Variants in ZC2HC1B observed in about 807,000 individuals in gnomAD.
ZC2HC1B encodes zinc finger C2HC-type containing 1B, also known as zinc finger C2HC domain-containing protein 1B.
In ZC2HC1B, 36 loss-of-function variants were observed where a neutral mutation model predicts 31.0. The ratio of observed to expected loss-of-function variants is 1.16; its 90% confidence interval spans 0.89 to 1.54. The LOEUF is 1.54. Ranked by LOEUF, ZC2HC1B falls within the 40% of genes most tolerant of loss-of-function variation. The probability of loss-of-function intolerance (pLI) is 0.00; values close to 1 mark genes in which losing one functional copy is unlikely to be tolerated. For synonymous variants in ZC2HC1B, 73 were observed against 88.0 expected, an observed-to-expected ratio of 0.83 and a Z score of 0.95; for missense variants, 260 against 268.6, an observed-to-expected ratio of 0.97 and a Z score of 0.22.
intron 4 of ZC2HC1B, among the ~76,000 whole-genome samples, chr6:143,894,407 T>C (rs1274509096): frequency 6.6e-6 from 1 of 152,188 alleles, no homozygotes; most frequent in Non-Finnish European, 1.5e-5. Flanking sequence ...GTGGTTAAAA[T>C]GGATACATTC....
At chr6:143,879,987 G>T (rs1004615209) in intron 1 of ZC2HC1B, among the ~76,000 whole-genome samples, 1 of 151,804 alleles carries the variant, frequency 6.6e-6, no homozygotes, top group Non-Finnish European at 1.5e-5. Context: ...ACCATGCCTG[G>T]CTAATTTTTA....
rs1021149672 is a variant in ZC2HC1B at position 143,911,266 on chromosome 6, A to G, written c.598+8114A>G. Reference sequence around the variant, plus strand: ...TCTATATCTTTTAATTGGGGCATTTAGCCCATTTAAATTTAAGGTTAGTAT... The same window carrying G: ...TCTATATCTTTTAATTGGGGCATTTGGCCCATTTAAATTTAAGGTTAGTAT... On this transcript the variant is annotated intron_variant, in intron 6 of 7. Coordinates refer to ENST00000237275, the MANE Select transcript of ZC2HC1B (RefSeq NM_001013623.3). The surrounding 1 kb of genome is among the most constrained non-coding windows in gnomAD (Gnocchi z 4.5). Among the ~76,000 whole-genome samples, 3 of 152,174 alleles carry G rather than the reference A, an allele frequency of 2.0e-5. No individual in the cohort carries two copies. The highest frequency in any genetic ancestry group is 4.4e-5 in the Non-Finnish European group (3 of 68,040).
chr6:143,922,570 A>G lies in ZC2HC1B; in HGVS notation c.599-15079A>G, dbSNP rs1777995160. 6.6e-6 allele frequency among the ~76,000 whole-genome samples: 1 copy of G among 152,230 alleles called. No homozygotes were observed. The highest frequency in any genetic ancestry group is 1.5e-5 in the Non-Finnish European group (1 of 68,044). On this transcript the variant is annotated intron_variant, in intron 6 of 7. Transcript: ENST00000237275. This position sits in a 1 kb window ranked among gnomAD's most constrained non-coding sequence, Gnocchi z 5.0. Reference sequence around the variant, plus strand: ...TTAGCTCCCACATATGAATGAGAACATGTGATATTTGTCTTTCTGTGTCTG... The same window carrying G: ...TTAGCTCCCACATATGAATGAGAACGTGTGATATTTGTCTTTCTGTGTCTG...
chr6:143,893,733 C>G (rs1266881048), intron 4 of ZC2HC1B, among the ~76,000 whole-genome samples: 1 of 152,028 alleles, frequency 6.6e-6, no homozygotes, highest in Non-Finnish European at 1.5e-5. Flanking sequence ...GTCACCCAGG[C>G]TGGAGTGCAG....
chr6:143,900,431 A>G (rs966249912), intron 5 of ZC2HC1B, among the ~76,000 whole-genome samples: 4 of 152,010 alleles, frequency 2.6e-5, no homozygotes, highest in Non-Finnish European at 5.9e-5. Flanking sequence ...AAAGAGGTAC[A>G]GGGACAGGCA....
intron 6 of ZC2HC1B, among the ~76,000 whole-genome samples, chr6:143,926,721 A>C (rs1202486379): frequency 2.0e-5 from 3 of 152,000 alleles, no homozygotes; most frequent in Admixed American, 6.6e-5. Context: ...TGAAGTCTTC[A>C]ACTATTATTG....
In ZC2HC1B at chr6:143,933,282, G is replaced by T. The variant is rs998642985; in HGVS notation, c.599-4367G>T. On this transcript the variant is annotated intron_variant, in intron 6 of 7. Transcript: ENST00000237275. This position sits in a 1 kb window ranked among gnomAD's most constrained non-coding sequence, Gnocchi z 6.4. ...TGAGTTGGTTAACCTTGAGCCAGGA[G>T]GTGGTGCTTTTGAGAGTGCGCCAGC... 2.6e-5 allele frequency among the ~76,000 whole-genome samples: 4 copies of T among 152,182 alleles called. No homozygotes were observed. The highest frequency in any genetic ancestry group is 9.7e-5 in the African/African-American group (4 of 41,432).
In ZC2HC1B at chr6:143,887,353, C is replaced by T. The variant is rs1054475273; in HGVS notation, c.349+532C>T. Among the ~76,000 whole-genome samples the T allele has an allele frequency of 1.3e-5, 2 of 152,100 alleles. No individual in the cohort carries two copies. The highest frequency in any genetic ancestry group is 3.8e-4 in the East Asian group (2 of 5,202). Reference sequence around the variant, plus strand: ...GTTGACGCTGTTGCCATAATTTCTCCTTTATCTTTTTTTCTTTGGCAGAAC... The same window carrying T: ...GTTGACGCTGTTGCCATAATTTCTCTTTTATCTTTTTTTCTTTGGCAGAAC... On this transcript the variant is annotated intron_variant, in intron 4 of 7. Transcript: ENST00000237275. This position sits in a 1 kb window ranked among gnomAD's most constrained non-coding sequence, Gnocchi z 5.1.
chr6:143,898,454 T>C, intron 4 of ZC2HC1B, 98 bp from the exon 5 acceptor site: 1 of 1,406,918 alleles, frequency 7.1e-7, no homozygotes, highest in Non-Finnish European at 9.6e-7. Flanking sequence ...AGCCATCATA[T>C]CCTTATTTCA....
At chr6:143,881,441 C>G (rs898530010) in intron 1 of ZC2HC1B, among the ~76,000 whole-genome samples, 1 of 149,086 alleles carries the variant, frequency 6.7e-6, no homozygotes, top group Non-Finnish European at 1.5e-5. Context: ...GTCCTAGCTA[C>G]TCAAGAAGCT....
In ZC2HC1B at chr6:143,903,341, C is replaced by T. The variant is rs546312530; in HGVS notation, c.598+189C>T. Among the ~76,000 whole-genome samples, 2 of 152,326 alleles carry T rather than the reference C, an allele frequency of 1.3e-5. No individual in the cohort carries two copies. Among genetic ancestry groups the T allele is most frequent in the Non-Finnish European group, 2.9e-5 (2 of 68,032 alleles). On this transcript the variant is annotated intron_variant, in intron 6 of 7. Transcript: ENST00000237275. The surrounding 1 kb of genome is among the most constrained non-coding windows in gnomAD (Gnocchi z 4.3). ...AATATTTCTTAATTTATCAGGATTA[C>T]ACAACTTTCACAATGTACAAGTCAA... is the stretch of plus-strand genomic sequence containing the variant.
At chr6:143,919,527 T>C (rs1777963585) in intron 6 of ZC2HC1B, among the ~76,000 whole-genome samples, 1 of 152,132 alleles carries the variant, frequency 6.6e-6, no homozygotes, top group African/African-American at 2.4e-5. Context: ...CTTACAACAA[T>C]GATGGGAGGT....
rs1048535006 is a variant in ZC2HC1B at position 143,883,278 on chromosome 6, A to G, written c.29-1026A>G. ...GGTCTCGAATCCTTAGGCTCAAGCA[A>G]TCCTCCTGCTTCAGCCTCCCATAGT... On this transcript the variant is annotated intron_variant, in intron 1 of 7. Coordinates refer to ENST00000237275, the MANE Select transcript of ZC2HC1B (RefSeq NM_001013623.3). This position sits in a 1 kb window ranked among gnomAD's most constrained non-coding sequence, Gnocchi z 4.1. 6.6e-6 allele frequency among the ~76,000 whole-genome samples: 1 copy of G among 152,138 alleles called. No homozygotes were observed. The highest frequency in any genetic ancestry group is 1.5e-5 in the Non-Finnish European group (1 of 68,024).
chr6:143,880,801 A>C (rs1214573509), intron 1 of ZC2HC1B, among the ~76,000 whole-genome samples: 1 of 152,088 alleles, frequency 6.6e-6, no homozygotes, highest in African/African-American at 2.4e-5. Context: ...TGACCCCTAG[A>C]TATTGTTTTT....
chr6:143,894,801 T>C (rs1419176915), intron 4 of ZC2HC1B, among the ~76,000 whole-genome samples: 1 of 152,234 alleles, frequency 6.6e-6, no homozygotes, highest in Non-Finnish European at 1.5e-5. Context: ...TATGGTTCTT[T>C]AATTGAATAA....
intron 6 of ZC2HC1B, among the ~76,000 whole-genome samples, chr6:143,926,960 G>GCCACCGCGCCCA (rs1554241408): frequency 7.7e-5 from 10 of 130,408 alleles, no homozygotes; most frequent in Admixed American, 4.0e-4. Context: ...ACAGGCGCCC[G>GCCACCGCGCCCA]GCTAATTTTT....
rs1174131578 is a variant in ZC2HC1B, at chr6:143,921,761, C to T, written c.599-15888C>T. 1.3e-5 allele frequency among the ~76,000 whole-genome samples: 2 copies of T among 152,144 alleles called. No individual in the cohort carries two copies. The highest frequency in any genetic ancestry group is 2.9e-5 in the Non-Finnish European group (2 of 68,030). ...CCTGGGCAACATAGCAAGACCCTGT[C>T]TCTACAAGAAAAATTTAAAAATTTG... On this transcript the variant is annotated intron_variant, in intron 6 of 7. Coordinates refer to ENST00000237275, the MANE Select transcript of ZC2HC1B (RefSeq NM_001013623.3). This position sits in a 1 kb window ranked among gnomAD's most constrained non-coding sequence, Gnocchi z 6.1.
At position 143,924,126 on chromosome 6, in the gene ZC2HC1B, C is replaced by G. The variant is rs935881968; in HGVS notation, c.599-13523C>G. 4.6e-5 allele frequency among the ~76,000 whole-genome samples: 7 copies of G among 151,978 alleles called. No individual in the cohort carries two copies. Among genetic ancestry groups the G allele is most frequent in the Non-Finnish European group, 1.0e-4 (7 of 67,952 alleles). On this transcript the variant is annotated intron_variant, in intron 6 of 7. Coordinates refer to ENST00000237275, the MANE Select transcript of ZC2HC1B (RefSeq NM_001013623.3). This position sits in a 1 kb window ranked among gnomAD's most constrained non-coding sequence, Gnocchi z 5.2. The stretch of plus-strand genomic sequence containing the variant: ...TTGTGTCCTCTTAACATTCTTTCAT[C>G]AGTGTTTTGAAGTTTTCCTCGTAAG...
rs530151850 is a variant in ZC2HC1B at position 143,887,896 on chromosome 6, A to C, written c.349+1075A>C. ...TCTCTCTCTCTTGATAATAGCCTTT[A>C]ATACACAAAAGTTTTTCATTTTGAT... On this transcript the variant is annotated intron_variant, in intron 4 of 7. Coordinates refer to ENST00000237275, the MANE Select transcript of ZC2HC1B (RefSeq NM_001013623.3). The surrounding 1 kb of genome is among the most constrained non-coding windows in gnomAD (Gnocchi z 5.1). Among the ~76,000 whole-genome samples, 3 of 152,126 alleles carry C rather than the reference A, an allele frequency of 2.0e-5. No homozygotes were observed. The highest frequency in any genetic ancestry group is 7.2e-5 in the African/African-American group (3 of 41,552).
Sources: gnomAD v4.1 joint callset for allele counts (sites outside exome capture counted in the v4.1 genomes callset) on GRCh38, gnomAD v4.1.1 for gene constraint, Gnocchi (gnomAD v3.1) non-coding constraint, MANE v1.5 for transcripts, NCBI Gene and HGNC (gene_info 2026-07-23, HGNC 2026-07-21) for gene names.